Variants in DPP6 observed in about 807,000 individuals in gnomAD.
DPP6 encodes dipeptidyl peptidase like 6, also known as A-type potassium channel modulatory protein DPP6.
DPP6 carries 69 observed loss-of-function variants against 122.6 expected under a neutral mutation model. The ratio of observed to expected loss-of-function variants is 0.56; its 90% CI spans 0.46 to 0.69. DPP6 has a LOEUF of 0.69. Ranked by LOEUF, DPP6 falls within the 30% of genes least tolerant of loss-of-function variation. DPP6 has a pLI of 0.00. For missense variants in DPP6, 928 were observed against 1,116.9 expected (o/e 0.83, Z 2.41); for synonymous variants, 418 against 433.1 (o/e 0.97, Z 0.43).
At chr7:154,233,468 G>A (rs748032187) in intron 1 of DPP6, among the ~76,000 whole-genome samples, 3 of 152,144 alleles carry the variant, frequency 2.0e-5, no homozygotes, top group East Asian at 1.9e-4. Context: ...ATTTGACTAG[G>A]GGTCTTTACC....
chr7:154,574,581 G>C (rs1440903941), intron 5 of DPP6, among the ~76,000 whole-genome samples: 53 of 144,776 alleles, frequency 3.7e-4, no homozygotes, highest in African/African-American at 1.4e-3. Context: ...TGTGGTGTGT[G>C]TGTATGTGTG....
At chr7:154,579,950 G>A (rs1245855568) in intron 5 of DPP6, among the ~76,000 whole-genome samples, 1 of 152,066 alleles carries the variant, frequency 6.6e-6, no homozygotes, top group East Asian at 1.9e-4. Flanking sequence ...TTAAAAGAGA[G>A]AGCACAGAAG....
intron 3 of DPP6, among the ~76,000 whole-genome samples, chr7:154,485,115 G>T (rs12112815): frequency 0.26 from 39,561 of 151,932 alleles, 5,475 homozygotes; most frequent in East Asian, 0.54. Context: ...CCCCTCGAGG[G>T]CACTTGGTAC....
chr7:154,713,959 A>G (rs1226242296), intron 7 of DPP6, among the ~76,000 whole-genome samples: 2 of 152,166 alleles, frequency 1.3e-5, no homozygotes, highest in Non-Finnish European at 2.9e-5. Context: ...ACACTTTGTT[A>G]TTTACAAATT....
chr7:154,063,630 C>A (rs143188763), intron 1 of DPP6, among the ~76,000 whole-genome samples: 14,119 of 76,296 alleles, frequency 0.19, 260 homozygotes, highest in African/African-American at 0.37. Context: ...GAGGCAGGGA[C>A]TGAGAGCCAC....
chr7:154,050,474 A>T (rs1239187871), upstream of DPP6, among the ~76,000 whole-genome samples: 2 of 152,084 alleles, frequency 1.3e-5, no homozygotes, highest in African/African-American at 4.8e-5. Context: ...CCCTAACTGC[A>T]TCTATATTTA....
the DPP6 span, among the ~76,000 whole-genome samples, chr7:153,805,858 G>A: frequency 6.6e-6 from 1 of 151,836 alleles, no homozygotes; most frequent in Non-Finnish European, 1.5e-5. Context: ...GTCGTGGGGT[G>A]GGGGACTGGC....
At chr7:153,953,447 C>T (rs755738066) in intron 1 of DPP6, among the ~76,000 whole-genome samples, 9 of 152,148 alleles carry the variant, frequency 5.9e-5, no homozygotes, top group Admixed American at 2.0e-4. Flanking sequence ...CACCAACCCT[C>T]AAAATTCCGT....
chr7:154,629,158 T>C (rs1296403501), intron 5 of DPP6, among the ~76,000 whole-genome samples: 1 of 152,212 alleles, frequency 6.6e-6, no homozygotes, highest in Non-Finnish European at 1.5e-5. Context: ...TTTCCAGATA[T>C]GGATATGACT....
chr7:154,436,685 G>C (rs1334200538), intron 1 of DPP6, among the ~76,000 whole-genome samples: 1 of 152,138 alleles, frequency 6.6e-6, no homozygotes, highest in African/African-American at 2.4e-5. Flanking sequence ...ATTTCCTAAT[G>C]TGAAATAGCC....
At chr7:154,117,392 A>G (rs964559038) in intron 1 of DPP6, among the ~76,000 whole-genome samples, 1 of 152,164 alleles carries the variant, frequency 6.6e-6, no homozygotes, top group African/African-American at 2.4e-5. Flanking sequence ...CCTATTTTAT[A>G]CTGATGTGCT....
chr7:154,287,698 A>T (rs183258218), intron 1 of DPP6, among the ~76,000 whole-genome samples: 1 of 152,314 alleles, frequency 6.6e-6, no homozygotes, highest in Non-Finnish European at 1.5e-5. Flanking sequence ...TTCTGAGATT[A>T]GGACTCCCTG....
At chr7:154,610,821 C>G (rs1201504543) in intron 5 of DPP6, among the ~76,000 whole-genome samples, 1 of 151,368 alleles carries the variant, frequency 6.6e-6, no homozygotes, top group Non-Finnish European at 1.5e-5. Flanking sequence ...TGATTTTCAC[C>G]CTTATTCACT....
intron 5 of DPP6, among the ~76,000 whole-genome samples, chr7:154,622,049 T>C (rs1296024564): frequency 2.0e-5 from 3 of 152,232 alleles, no homozygotes; most frequent in Non-Finnish European, 4.4e-5. Context: ...CAGGTCCTTA[T>C]TGAATTTCTT....
chr7:154,173,542 C>G (rs1797643723), intron 1 of DPP6, among the ~76,000 whole-genome samples: 1 of 152,130 alleles, frequency 6.6e-6, no homozygotes, highest in African/African-American at 2.4e-5. Context: ...TCTGCCTTCT[C>G]TCTCTGTTTC....
At chr7:154,590,373 T>C (rs994953854) in intron 5 of DPP6, among the ~76,000 whole-genome samples, 7 of 151,576 alleles carry the variant, frequency 4.6e-5, no homozygotes, top group African/African-American at 1.7e-4. Flanking sequence ...TTACATCTCC[T>C]ACAGCCTTAC....
At chr7:153,880,208 G>C in the DPP6 span, among the ~76,000 whole-genome samples, 1 of 152,100 alleles carries the variant, frequency 6.6e-6, no homozygotes, top group African/African-American at 2.4e-5. Flanking sequence ...AATGTGTTTA[G>C]TAAGTCTATT....
chr7:154,540,468 C>A (rs1438365457), intron 3 of DPP6, 64 bp from the exon 4 acceptor site: 2 of 1,003,524 alleles, frequency 2.0e-6, no homozygotes, highest in Admixed American at 4.1e-5. Context: ...CATAAGCATT[C>A]GTCAAAAGTT....
At chr7:154,247,666 A>G (rs558607929) in intron 1 of DPP6, among the ~76,000 whole-genome samples, 1 of 152,294 alleles carries the variant, frequency 6.6e-6, no homozygotes, top group South Asian at 2.1e-4. Context: ...GAGCTCTACA[A>G]CAAGTACAAC....
Sources: allele counts gnomAD v4.1 joint callset (sites outside exome capture counted in the v4.1 genomes callset), GRCh38; gene constraint gnomAD v4.1.1; transcripts MANE v1.5; gene names NCBI Gene and HGNC (gene_info 2026-07-23, HGNC 2026-07-21).